The following GRHL2 variants were observed in gnomAD, a reference collection of about 807,000 sequenced individuals.
GRHL2 encodes grainyhead-like protein 2 homolog.
In GRHL2, 21 loss-of-function variants were observed where a neutral mutation model predicts 83.8. That is an observed-to-expected ratio of 0.25 (90% CI 0.18 to 0.36). The LOEUF is 0.36. Among genes scored for constraint, GRHL2 ranks in the 10% least tolerant of loss-of-function variants. The probability of loss-of-function intolerance (pLI) is 1.00; values close to 1 mark genes in which losing one functional copy is unlikely to be tolerated. For synonymous variants in GRHL2, 280 were observed against 278.9 expected (o/e 1.00, Z -0.04); for missense variants, 623 against 781.8 (o/e 0.80, Z 2.42).
chr8:101,601,213 C>CA (rs1210257407), intron 8 of GRHL2, among the ~76,000 whole-genome samples: 76 of 150,660 alleles, frequency 5.0e-4, no homozygotes, highest in Non-Finnish European at 7.1e-4. Context: ...CCACCACCAC[C>CA]ACCAACAACA....
chr8:101,510,591 A>C (rs1435779898), intron 1 of GRHL2, among the ~76,000 whole-genome samples: 1 of 152,218 alleles, frequency 6.6e-6, no homozygotes, highest in Non-Finnish European at 1.5e-5. Flanking sequence ...CTACAAGTAG[A>C]ATTTCCTAGC....
chr8:101,505,275 C>A (rs982892687), intron 1 of GRHL2, among the ~76,000 whole-genome samples: 1 of 151,978 alleles, frequency 6.6e-6, no homozygotes, highest in Non-Finnish European at 1.5e-5. Context: ...TGATGTTCTT[C>A]GGATGTTAAA....
intron 1 of GRHL2, among the ~76,000 whole-genome samples, chr8:101,496,901 A>C (rs1810117812): frequency 6.6e-6 from 1 of 152,124 alleles, no homozygotes; most frequent in Admixed American, 6.5e-5. Context: ...GTGTGGGTGA[A>C]TCAGAGTCAG....
At chr8:101,631,952 GA>G (rs889186745) in intron 10 of GRHL2, among the ~76,000 whole-genome samples, 42 of 152,296 alleles carry the variant, frequency 2.8e-4, no homozygotes, top group Non-Finnish European at 5.9e-5. Context: ...ATAATGTGGA[GA>G]CCAGCATCCT....
intron 9 of GRHL2, among the ~76,000 whole-genome samples, chr8:101,629,859 T>G (rs947529129): frequency 4.6e-5 from 7 of 152,130 alleles, no homozygotes; most frequent in African/African-American, 1.7e-4. Context: ...AGCACAAAAC[T>G]GTATAAAACC....
At chr8:101,543,589 C>T (rs773411388) in intron 2 of GRHL2, 153 bp downstream of exon 2, 3 of 729,644 alleles carry the variant, frequency 4.1e-6, no homozygotes, top group Non-Finnish European at 7.3e-6. Flanking sequence ...CTCCTTGCTC[C>T]CTGCTTCCCC....
chr8:101,534,109 GTATTCA>G (rs1026730922), intron 1 of GRHL2, among the ~76,000 whole-genome samples: 21 of 152,310 alleles, frequency 1.4e-4, no homozygotes, highest in Admixed American at 6.5e-4. Flanking sequence ...TTAGGAAACT[GTATTCA>G]TTTTCTATTC....
chr8:101,594,424 C>T (rs1263018506), intron 7 of GRHL2, among the ~76,000 whole-genome samples: 2 of 152,224 alleles, frequency 1.3e-5, no homozygotes, highest in Admixed American at 1.3e-4. Context: ...CACCAGGTTA[C>T]TGAGTTTCCA....
chr8:101,557,081 G>A (rs510426), intron 3 of GRHL2, among the ~76,000 whole-genome samples: 118,976 of 151,262 alleles, frequency 0.79, 47,115 homozygotes, highest in African/African-American at 0.83. Context: ...TTTTTTTTCA[G>A]ATTGCAATAG....
chr8:101,548,028 T>C (rs1181507377), intron 2 of GRHL2, among the ~76,000 whole-genome samples: 3 of 152,264 alleles, frequency 2.0e-5, no homozygotes, highest in Non-Finnish European at 2.9e-5. Context: ...TTTATCATCA[T>C]CTGGTTCCAG....
Position 101,492,484 on chromosome 8 carries a change from T to C in GRHL2, c.-286T>C, listed in dbSNP as rs1224873516. On this transcript the variant is annotated 5_prime_UTR_variant, in exon 1 of 16. Coordinates refer to ENST00000646743, the MANE Select transcript of GRHL2 (RefSeq NM_024915.4). ...CCCAAGTCCGCCACTTTCTGCTCTG[T>C]GTCTGCCCATTGCCACGATCCAGGA... 1.8e-6 allele frequency: 1 copy of C among 565,432 alleles called. No individual in the cohort carries two copies. The highest frequency in any genetic ancestry group is 3.0e-5 in the East Asian group (1 of 32,890). The allele number at this position is 565,432 out of a possible 1,614,324, so 35.0% of individuals were successfully genotyped here. A position where few individuals can be genotyped will look rare whatever the true frequency, so the allele number is the denominator to read the frequency against.
chr8:101,493,426 TC>T (rs1563548081), intron 1 of GRHL2, among the ~76,000 whole-genome samples: 1 of 142,374 alleles, frequency 7.0e-6, no homozygotes, highest in Non-Finnish European at 1.6e-5. Context: ...CCCGCCTTCC[TC>T]CCCCCTCCCC....
At chr8:101,644,723 A>T (rs965018537) in intron 13 of GRHL2, among the ~76,000 whole-genome samples, 1 of 152,218 alleles carries the variant, frequency 6.6e-6, no homozygotes, top group Non-Finnish European at 1.5e-5. Flanking sequence ...CCAGCATGTC[A>T]ATGCCATACA....
intron 1 of GRHL2, among the ~76,000 whole-genome samples, chr8:101,510,093 T>A (rs982813998): frequency 6.6e-6 from 1 of 152,130 alleles, no homozygotes; most frequent in Non-Finnish European, 1.5e-5. Flanking sequence ...CAGGCCCAGA[T>A]GATCTTCCCA....
In GRHL2 at chr8:101,506,883, C is replaced by T. The variant is rs181547064; in HGVS notation, c.20+14094C>T. Among the ~76,000 whole-genome samples, 8 of 149,102 alleles carry T rather than the reference C, an allele frequency of 5.4e-5. No individual in the cohort carries two copies. In the East Asian group the frequency reaches 1.6e-3, roughly 29 times the overall value. The stretch of plus-strand genomic sequence containing the variant: ...GATAGTTAAAGAGATTAAACATTTT[C>T]TCAGATTTTTATTTTGTAATTTGTA... On this transcript the variant is annotated intron_variant, in intron 1 of 15. Transcript: ENST00000646743.
At chr8:101,579,121 G>A (rs935704418) in intron 7 of GRHL2, among the ~76,000 whole-genome samples, 1 of 152,218 alleles carries the variant, frequency 6.6e-6, no homozygotes, top group Non-Finnish European at 1.5e-5. Flanking sequence ...TGACTAGGAC[G>A]GGGATTGGGG....
chr8:101,570,255 A>G, intron 4 of GRHL2, 84 bp from the exon 5 acceptor site: 2 of 1,091,952 alleles, frequency 1.8e-6, no homozygotes, highest in South Asian at 2.5e-5. Flanking sequence ...TGAGAGAATA[A>G]AATAGTTTGG....
chr8:101,505,699 AT>A, intron 1 of GRHL2, among the ~76,000 whole-genome samples: 1 of 152,130 alleles, frequency 6.6e-6, no homozygotes, highest in Non-Finnish European at 1.5e-5. Context: ...TTTAGCAAAC[AT>A]TCTATAAGGT....
the GRHL2 span, among the ~76,000 whole-genome samples, chr8:101,676,124 C>A: frequency 3.8e-4 from 58 of 151,504 alleles, no homozygotes; most frequent in Admixed American, 3.3e-3. Context: ...AAAACCTAGG[C>A]ATTACCATTC....
Sources: allele counts gnomAD v4.1 joint callset (sites outside exome capture counted in the v4.1 genomes callset), GRCh38; gene constraint gnomAD v4.1.1; transcripts MANE v1.5; gene names NCBI Gene and HGNC (gene_info 2026-07-23, HGNC 2026-07-21).